Variants in SCAPER observed in about 807,000 individuals in gnomAD.
SCAPER encodes the protein S-phase cyclin A associated protein in the ER.
SCAPER carries 98 observed loss-of-function variants against 182.2 expected under a neutral mutation model. That is an observed-to-expected ratio of 0.54 (90% CI 0.46 to 0.64). The LOEUF (loss-of-function observed/expected upper bound fraction) is 0.64. SCAPER is among the 30% of genes least tolerant of loss of function. The probability of loss-of-function intolerance (pLI) is 0.00; values close to 1 mark genes in which losing one functional copy is unlikely to be tolerated. For missense variants in SCAPER, 1,432 were observed against 1,690.0 expected, an observed-to-expected ratio of 0.85 and a Z score of 2.68; for synonymous variants, 605 against 564.6, an observed-to-expected ratio of 1.07 and a Z score of -1.01.
At chr15:76,433,096 T>G (rs1443038769) in intron 26 of SCAPER, among the ~76,000 whole-genome samples, 1 of 152,210 alleles carries the variant, frequency 6.6e-6, no homozygotes, top group Non-Finnish European at 1.5e-5. Flanking sequence ...TGAACCTAAT[T>G]TATAACCAGA....
In SCAPER at chr15:76,760,367, T is replaced by C. The variant is rs145222255; in HGVS notation, c.1725+4594A>G. Among the ~76,000 whole-genome samples, 46 of 152,304 alleles carry C rather than the reference T, an allele frequency of 3.0e-4. 1 individual carries two copies. The East Asian group carries it at 8.7e-3, about 29-fold the overall frequency. ...TTGCCAATTTATTACAAAGGAACTTTTAAAGGATGCAGATAAACAGCCAGA... is the reference window on the plus strand; with the variant it reads ...TTGCCAATTTATTACAAAGGAACTTCTAAAGGATGCAGATAAACAGCCAGA... On this transcript the variant is annotated intron_variant, in intron 14 of 31. Transcript: ENST00000563290.
chr15:76,594,453 C>T (rs1347279626), intron 22 of SCAPER, among the ~76,000 whole-genome samples: 2 of 121,024 alleles, frequency 1.7e-5, no homozygotes, highest in African/African-American at 5.0e-5. Flanking sequence ...AAGGCCAACA[C>T]TGAAATTCAG....
intron 14 of SCAPER, among the ~76,000 whole-genome samples, chr15:76,764,242 C>T (rs907874611): frequency 2.6e-5 from 4 of 152,160 alleles, no homozygotes; most frequent in Non-Finnish European, 5.9e-5. Flanking sequence ...TATGCATTGG[C>T]GTGGCAGCTC....
intron 23 of SCAPER, among the ~76,000 whole-genome samples, chr15:76,508,925 T>A (rs190142550): frequency 6.6e-6 from 1 of 152,254 alleles, no homozygotes; most frequent in African/African-American, 2.4e-5. Flanking sequence ...TTAAATCATA[T>A]AGTATGTATA....
chr15:76,571,990 T>C (rs924949899), intron 23 of SCAPER, among the ~76,000 whole-genome samples: 3 of 152,164 alleles, frequency 2.0e-5, no homozygotes, highest in African/African-American at 4.8e-5. Context: ...GTCTAAACTC[T>C]TAGGTGGTCC....
chr15:76,705,096 C>T (rs2147311603), intron 18 of SCAPER, among the ~76,000 whole-genome samples: 1 of 152,232 alleles, frequency 6.6e-6, no homozygotes, highest in Non-Finnish European at 1.5e-5. Context: ...CACATGCACA[C>T]ATATGTTTAT....
chr15:76,676,743 A>C (rs2057390066), intron 20 of SCAPER, among the ~76,000 whole-genome samples: 1 of 151,660 alleles, frequency 6.6e-6, no homozygotes, highest in Non-Finnish European at 1.5e-5. Flanking sequence ...TTCTGGATTC[A>C]AATCTATGCA....
chr15:76,403,642 A>G (rs1023866878), intron 27 of SCAPER, among the ~76,000 whole-genome samples: 1 of 152,266 alleles, frequency 6.6e-6, no homozygotes, highest in Non-Finnish European at 1.5e-5. Flanking sequence ...TTAGAAGCTT[A>G]GACTGGACAA....
chr15:76,800,430 T>C (rs1351487871), intron 6 of SCAPER, 66 bp from the exon 7 acceptor site: 2 of 1,064,872 alleles, frequency 1.9e-6, no homozygotes, highest in Non-Finnish European at 2.8e-6. Context: ...TAATCTTTTC[T>C]CTTGGTTGTT....
At chr15:76,738,653 T>C (rs1247678544) in intron 15 of SCAPER, among the ~76,000 whole-genome samples, 3 of 151,738 alleles carry the variant, frequency 2.0e-5, no homozygotes, top group African/African-American at 7.3e-5. Context: ...GGATAAGAAA[T>C]GGGGGAATGG....
chr15:76,708,070 C>G (rs1190476776), intron 17 of SCAPER, among the ~76,000 whole-genome samples: 1 of 152,044 alleles, frequency 6.6e-6, no homozygotes, highest in Admixed American at 6.6e-5. Flanking sequence ...AGGACACCCC[C>G]CCACCATACC....
At chr15:76,631,600 A>G (rs936604095) in intron 21 of SCAPER, among the ~76,000 whole-genome samples, 24 of 152,136 alleles carry the variant, frequency 1.6e-4, no homozygotes, top group African/African-American at 5.8e-4. Context: ...TTTAAGAATG[A>G]TGAATACTGA....
chr15:76,573,108 C>CA (rs2047565684), intron 23 of SCAPER, among the ~76,000 whole-genome samples: 1 of 152,004 alleles, frequency 6.6e-6, no homozygotes, highest in Non-Finnish European at 1.5e-5. Context: ...GTCTATTGTG[C>CA]AATATTTTAT....
Position 76,857,920 on chromosome 15 carries a change from TGATA to T in SCAPER, c.125-45_125-42del, listed in dbSNP as rs773985658. The T allele has an allele frequency of 2.0e-4, 267 of 1,328,392 alleles. 1 individual carries two copies. The highest frequency in any genetic ancestry group is 4.0e-4 in the South Asian group (30 of 75,616). The allele number at this position is 1,328,392 out of a possible 1,614,324, so 82.3% of individuals were successfully genotyped here. A position where few individuals can be genotyped will look rare whatever the true frequency, so the allele number is the denominator to read the frequency against. ...AAAATAAATATGTAGATATACAGAATGATAGATAGTATAAAATTGAACTACAGGT... is the reference window on the plus strand; with the variant it reads ...AAAATAAATATGTAGATATACAGAATGATAGTATAAAATTGAACTACAGGT... On this transcript the variant is annotated intron_variant, in intron 3 of 31. Coordinates refer to ENST00000563290, the MANE Select transcript of SCAPER (RefSeq NM_020843.4).
At chr15:76,862,064 C>G (rs1192531990) in intron 3 of SCAPER, 1 of 162,634 alleles carries the variant, frequency 6.1e-6, no homozygotes, top group African/African-American at 2.4e-5. Context: ...CACTTGGTCT[C>G]TCCCTTGACA....
chr15:76,827,230 A>G (rs547666905), intron 5 of SCAPER, among the ~76,000 whole-genome samples: 7 of 152,232 alleles, frequency 4.6e-5, no homozygotes, highest in Non-Finnish European at 8.8e-5. Flanking sequence ...ATTAAGTCCA[A>G]CAAAATCTCA....
intron 1 of SCAPER, among the ~76,000 whole-genome samples, chr15:76,886,387 G>A (rs2073841473): frequency 6.6e-6 from 1 of 152,172 alleles, no homozygotes; most frequent in South Asian, 2.1e-4. Context: ...GGCTGAGGCA[G>A]GAGAATCACT....
intron 14 of SCAPER, among the ~76,000 whole-genome samples, chr15:76,762,416 T>C (rs1237890224): frequency 6.6e-6 from 1 of 151,590 alleles, no homozygotes; most frequent in African/African-American, 2.4e-5. Flanking sequence ...TTAGCATTTG[T>C]GTATTTACAA....
chr15:76,368,444 C>T (rs1449749590), intron 29 of SCAPER, among the ~76,000 whole-genome samples: 4 of 152,222 alleles, frequency 2.6e-5, no homozygotes, highest in Admixed American at 1.3e-4. Flanking sequence ...GTCAAATTAA[C>T]GTTTGGCGTT....
Sources: allele counts gnomAD v4.1 joint callset (sites outside exome capture counted in the v4.1 genomes callset), GRCh38; gene constraint gnomAD v4.1.1; transcripts MANE v1.5; gene names NCBI Gene and HGNC (gene_info 2026-07-23, HGNC 2026-07-21).